Variants in TRIO observed in about 807,000 individuals in gnomAD.
TRIO encodes the protein trio Rho guanine nucleotide exchange factor.
In TRIO, 58 loss-of-function variants were observed where a neutral mutation model predicts 351.9. The observed-to-expected ratio is 0.16, with a 90% CI of 0.13 to 0.21. TRIO has a LOEUF of 0.21. TRIO is among the 10% of genes least tolerant of loss of function. TRIO has a pLI of 1.00. For missense variants in TRIO, 3,201 were observed against 4,027.8 expected (o/e 0.79, Z 5.56); for synonymous variants, 1,758 against 1,595.7 (o/e 1.10, Z -2.42).
intron 34 of TRIO, among the ~76,000 whole-genome samples, chr5:14,445,345 A>G (rs1752362178): frequency 6.6e-6 from 1 of 152,210 alleles, no homozygotes; most frequent in South Asian, 2.1e-4. Context: ...CCAAATATCT[A>G]GTTTCTCTGA....
intron 34 of TRIO, among the ~76,000 whole-genome samples, chr5:14,454,004 A>G (rs1249889246): frequency 6.6e-6 from 1 of 151,928 alleles, no homozygotes; most frequent in Non-Finnish European, 1.5e-5. Context: ...ATTCTGGCTC[A>G]CTGCAACCTC....
chr5:14,475,631 A>C (rs555649405), intron 40 of TRIO, among the ~76,000 whole-genome samples: 2 of 152,392 alleles, frequency 1.3e-5, no homozygotes, highest in African/African-American at 4.8e-5. Context: ...TAAACTTTAG[A>C]AACAGCACTC....
At position 14,510,080 on chromosome 5, in the gene TRIO, A is replaced by G. The variant is rs1415732371; in HGVS notation, c.*1658A>G. On this transcript the variant is annotated 3_prime_UTR_variant, in exon 57 of 57. Coordinates refer to ENST00000344204, the MANE Select transcript of TRIO (RefSeq NM_007118.4). ...TTGTTTCTTTTATTATTTCAGTTAA[A>G]TTTTTACATTATTTTGCATGTATAT... 1.3e-5 allele frequency: 2 copies of G among 152,220 alleles called. No homozygotes were observed. The highest frequency in any genetic ancestry group is 2.9e-5 in the Non-Finnish European group (2 of 68,050). The allele number at this position is 152,220 out of a possible 1,614,324, so 9.4% of individuals were successfully genotyped here.
chr5:14,428,541 CTG>C (rs1212045831), intron 34 of TRIO, among the ~76,000 whole-genome samples: 2 of 152,170 alleles, frequency 1.3e-5, no homozygotes, highest in Non-Finnish European at 2.9e-5. Flanking sequence ...GCAGCCAAGA[CTG>C]AGAGATCAGT....
At chr5:14,202,794 A>G (rs1324661055) in intron 1 of TRIO, among the ~76,000 whole-genome samples, 2 of 149,424 alleles carry the variant, frequency 1.3e-5, no homozygotes, top group Admixed American at 1.3e-4. Flanking sequence ...CATGCCTTTC[A>G]CCTTCTGCCA....
chr5:14,300,558 C>G (rs1244300671), intron 7 of TRIO, among the ~76,000 whole-genome samples: 1 of 152,172 alleles, frequency 6.6e-6, no homozygotes, highest in Non-Finnish European at 1.5e-5. Flanking sequence ...TTATCTATGA[C>G]TTTAGGCCTT....
intron 10 of TRIO, among the ~76,000 whole-genome samples, chr5:14,332,170 C>A (rs937878224): frequency 1.3e-5 from 2 of 152,204 alleles, no homozygotes; most frequent in Non-Finnish European, 2.9e-5. Context: ...TCGCTCTTTT[C>A]TGCCTATCCC....
At chr5:14,239,700 A>G (rs1002243603) in intron 1 of TRIO, among the ~76,000 whole-genome samples, 8 of 152,108 alleles carry the variant, frequency 5.3e-5, no homozygotes, top group African/African-American at 1.7e-4. Context: ...CATTCTTTCC[A>G]CTATTGTCTG....
At chr5:14,268,467 T>A (rs1204121135) in intron 1 of TRIO, among the ~76,000 whole-genome samples, 1 of 152,242 alleles carries the variant, frequency 6.6e-6, no homozygotes, top group Non-Finnish European at 1.5e-5. Context: ...CAAGTGGGGC[T>A]CTGTCTCTCT....
chr5:14,352,911 G>A (rs546507118), intron 11 of TRIO, among the ~76,000 whole-genome samples: 2 of 151,884 alleles, frequency 1.3e-5, no homozygotes, highest in South Asian at 2.1e-4. Context: ...TAACTACCAG[G>A]TGGAAGGGAA....
chr5:14,249,563 C>T (rs1431490178), intron 1 of TRIO, among the ~76,000 whole-genome samples: 1 of 152,144 alleles, frequency 6.6e-6, no homozygotes, highest in Non-Finnish European at 1.5e-5. Flanking sequence ...GCTGGTCCGA[C>T]CCCTTGGCAT....
At chr5:14,378,167 C>G in intron 20 of TRIO, 40 bp downstream of exon 20, 1 of 1,460,560 alleles carries the variant, frequency 6.8e-7, no homozygotes, top group East Asian at 2.3e-5. Flanking sequence ...CCTAAACTCC[C>G]GTGCTCACAC....
At chr5:14,488,338 C>G in intron 48 of TRIO, 78 bp downstream of exon 48, 12 of 1,484,556 alleles carry the variant, frequency 8.1e-6, no homozygotes, top group Non-Finnish European at 1.1e-5. Context: ...CGCGGCTGTT[C>G]TCACTAACTC....
intron 21 of TRIO, among the ~76,000 whole-genome samples, chr5:14,385,570 C>T (rs1464903495): frequency 6.6e-6 from 1 of 152,188 alleles, no homozygotes; most frequent in African/African-American, 2.4e-5. Context: ...TACATTTGCG[C>T]ACTTGCTTGT....
chr5:14,445,962 T>A (rs553054429), intron 34 of TRIO, among the ~76,000 whole-genome samples: 9 of 152,372 alleles, frequency 5.9e-5, no homozygotes, highest in African/African-American at 2.2e-4. Context: ...GGCGGTCTGC[T>A]TATTTCCCAC....
chr5:14,351,841 A>G (rs1743158038), intron 11 of TRIO, among the ~76,000 whole-genome samples: 1 of 152,192 alleles, frequency 6.6e-6, no homozygotes, highest in African/African-American at 2.4e-5. Flanking sequence ...CAGCTGGAAC[A>G]ATTCCCAGCT....
In TRIO at chr5:14,395,046, C is replaced by T. The variant is rs780159921; in HGVS notation, c.4311+916C>T. Among the ~76,000 whole-genome samples, 63 of 152,190 alleles carry T rather than the reference C, an allele frequency of 4.1e-4. 1 individual carries two copies. Among genetic ancestry groups the T allele is most frequent in the Non-Finnish European group, 6.8e-4 (46 of 68,010 alleles). ...CCAGGGACTGCCCTAGGCTCGACAA[C>T]GGGAAGTTATTATGTAATTTGTCTA... On this transcript the variant is annotated intron_variant, in intron 28 of 56. Transcript: ENST00000344204.
At chr5:14,317,217 T>TTC (rs1356574442) in intron 9 of TRIO, among the ~76,000 whole-genome samples, 2 of 152,232 alleles carry the variant, frequency 1.3e-5, no homozygotes, top group Admixed American at 6.5e-5. Context: ...GACTATTCAT[T>TTC]TCTAAGCAGT....
intron 11 of TRIO, among the ~76,000 whole-genome samples, chr5:14,347,918 A>G (rs1368218034): frequency 6.6e-6 from 1 of 152,234 alleles, no homozygotes; most frequent in Non-Finnish European, 1.5e-5. Flanking sequence ...ATCAGTTTTA[A>G]TATATGAGTG....
Sources: gnomAD v4.1 joint callset for allele counts (sites outside exome capture counted in the v4.1 genomes callset) on GRCh38, gnomAD v4.1.1 for gene constraint, MANE v1.5 for transcripts, NCBI Gene and HGNC (gene_info 2026-07-23, HGNC 2026-07-21) for gene names.